The following GALNT13 variants were observed in gnomAD, a reference collection of about 807,000 sequenced individuals.
GALNT13 encodes UDP-GalNAc:polypeptide N-acetylgalactosaminyltransferase 13.
Under a neutral mutation model 64.2 loss-of-function variants are expected in GALNT13, and 28 were observed. That is an observed-to-expected ratio of 0.44 (90% CI 0.32 to 0.60). The LOEUF is 0.60. Ranked by LOEUF, GALNT13 falls within the 20% of genes least tolerant of loss-of-function variation. The probability of loss-of-function intolerance (pLI) is 0.05; values close to 1 mark genes in which losing one functional copy is unlikely to be tolerated. For missense variants in GALNT13, 577 were observed against 669.8 expected, an observed-to-expected ratio of 0.86 and a Z score of 1.53; for synonymous variants, 214 against 224.6, an observed-to-expected ratio of 0.95 and a Z score of 0.42.
intron 3 of GALNT13, among the ~76,000 whole-genome samples, chr2:153,959,182 G>C (rs986355754): frequency 3.9e-5 from 6 of 152,164 alleles, no homozygotes; most frequent in African/African-American, 1.4e-4. Context: ...GAGCATATTG[G>C]GGGGTGGCCA....
At chr2:154,053,343 C>T (rs72995329) in intron 3 of GALNT13, among the ~76,000 whole-genome samples, 8,423 of 152,078 alleles carry the variant, frequency 0.055, 351 homozygotes, top group South Asian at 0.13. Flanking sequence ...AATAAAGCCT[C>T]CTTTCATCCT....
At chr2:153,822,263 C>G in the GALNT13 span, among the ~76,000 whole-genome samples, 522 of 152,184 alleles carry the variant, frequency 3.4e-3, 5 homozygotes, top group African/African-American at 0.012. Flanking sequence ...ATATCAAAAT[C>G]TGGCAAAGAC....
At chr2:154,344,236 T>C (rs1373215690) in intron 9 of GALNT13, among the ~76,000 whole-genome samples, 1 of 151,988 alleles carries the variant, frequency 6.6e-6, no homozygotes, top group Admixed American at 6.6e-5. Flanking sequence ...TTAAAGAAAA[T>C]TAATGCTACA....
the GALNT13 span, among the ~76,000 whole-genome samples, chr2:153,862,948 G>A: frequency 6.6e-6 from 1 of 152,070 alleles, no homozygotes; most frequent in Non-Finnish European, 1.5e-5. Flanking sequence ...GTAGTCAACT[G>A]TTCCTACTGG....
intron 3 of GALNT13, among the ~76,000 whole-genome samples, chr2:153,962,163 T>G (rs975416812): frequency 6.6e-6 from 1 of 152,202 alleles, no homozygotes; most frequent in African/African-American, 2.4e-5. Context: ...TAGCCCAAAT[T>G]GGGCACATTT....
chr2:153,302,760 A>T, the GALNT13 span, among the ~76,000 whole-genome samples: 1 of 152,214 alleles, frequency 6.6e-6, no homozygotes, highest in Admixed American at 6.5e-5. Context: ...CTTCTGTATA[A>T]AGCTATTCAG....
At chr2:153,301,293 G>A in the GALNT13 span, among the ~76,000 whole-genome samples, 1 of 53,498 alleles carries the variant, frequency 1.9e-5, no homozygotes, top group Non-Finnish European at 4.0e-5. Flanking sequence ...CTAGGTGACA[G>A]AGTGAGACTC....
At chr2:154,225,137 T>TAGATAGATAGATAGATGAC (rs1688530430) in intron 4 of GALNT13, among the ~76,000 whole-genome samples, 1 of 130,342 alleles carries the variant, frequency 7.7e-6, no homozygotes, top group Non-Finnish European at 1.7e-5. Context: ...GATAGATAGA[T>TAGATAGATAGATAGATGAC]AGATAGATGA....
the GALNT13 span, among the ~76,000 whole-genome samples, chr2:153,425,816 T>C: frequency 6.6e-6 from 1 of 151,936 alleles, no homozygotes; most frequent in African/African-American, 2.4e-5. Context: ...TGAACAATTA[T>C]AATCAATATT....
At chr2:153,812,468 G>A in the GALNT13 span, among the ~76,000 whole-genome samples, 2 of 152,200 alleles carry the variant, frequency 1.3e-5, no homozygotes, top group African/African-American at 4.8e-5. Context: ...TAAAATACCA[G>A]AGTTAGAAGG....
chr2:153,623,081 A>G, the GALNT13 span, among the ~76,000 whole-genome samples: 16 of 152,152 alleles, frequency 1.1e-4, no homozygotes, highest in Admixed American at 3.9e-4. Context: ...ATGCTTAGCT[A>G]TTTATTTTTG....
intron 3 of GALNT13, among the ~76,000 whole-genome samples, chr2:154,017,979 C>T (rs2105267315): frequency 6.6e-6 from 1 of 152,246 alleles, no homozygotes; most frequent in Middle Eastern, 3.4e-3. Context: ...TTATCCTTTG[C>T]TTACTTTTAT....
At chr2:153,211,994 A>G in the GALNT13 span, among the ~76,000 whole-genome samples, 26 of 152,200 alleles carry the variant, frequency 1.7e-4, no homozygotes, top group African/African-American at 6.0e-4. Context: ...ATCTGCATAA[A>G]GTGATGCTTA....
At chr2:153,477,990 C>T in the GALNT13 span, 1 of 534,974 alleles carries the variant, frequency 1.9e-6, no homozygotes, top group East Asian at 3.1e-5. Flanking sequence ...AAGTTCTGCG[C>T]CCTAATCGCC....
chr2:153,754,870 T>C, the GALNT13 span, among the ~76,000 whole-genome samples: 1 of 152,188 alleles, frequency 6.6e-6, no homozygotes, highest in African/African-American at 2.4e-5. Context: ...CCTGCTGGAA[T>C]TGGCAATTTT....
chr2:154,417,513 A>ATTT (rs1387223429), intron 11 of GALNT13, among the ~76,000 whole-genome samples: 2 of 130,280 alleles, frequency 1.5e-5, no homozygotes, highest in African/African-American at 6.6e-5. Context: ...TTATTTATTT[A>ATTT]TTTATTTATT....
At chr2:153,892,259 A>G (rs1250060908) in intron 1 of GALNT13, among the ~76,000 whole-genome samples, 4 of 152,042 alleles carry the variant, frequency 2.6e-5, no homozygotes, top group Non-Finnish European at 4.4e-5. Flanking sequence ...AAATTGTTAA[A>G]TATTGATGCA....
chr2:153,388,560 T>A, the GALNT13 span, among the ~76,000 whole-genome samples: 141 of 152,188 alleles, frequency 9.3e-4, no homozygotes, highest in African/African-American at 3.3e-3. Flanking sequence ...TATTAGAACT[T>A]CTAGCAACCT....
At chr2:153,859,540 T>G in the GALNT13 span, among the ~76,000 whole-genome samples, 1 of 152,158 alleles carries the variant, frequency 6.6e-6, no homozygotes, top group Non-Finnish European at 1.5e-5. Flanking sequence ...ACAAATTGTT[T>G]CATAAATATT....
Sources: gnomAD v4.1 joint callset for allele counts (sites outside exome capture counted in the v4.1 genomes callset) on GRCh38, gnomAD v4.1.1 for gene constraint, MANE v1.5 for transcripts, NCBI Gene and HGNC (gene_info 2026-07-23, HGNC 2026-07-21) for gene names.